MARCHF1: variants seen among roughly 807,000 people sequenced by gnomAD.
The protein encoded by MARCHF1 is membrane associated ring-CH-type finger 1, also known as E3 ubiquitin-protein ligase MARCHF1.
Under a neutral mutation model 54.2 loss-of-function variants are expected in MARCHF1, and 40 were observed. That is an observed-to-expected ratio of 0.74 (90% CI 0.57 to 0.96). The LOEUF is 0.96. Among genes scored for constraint, MARCHF1 ranks in the 40% least tolerant of loss-of-function variants. The probability of loss-of-function intolerance (pLI) is 0.00; values close to 1 mark genes in which losing one functional copy is unlikely to be tolerated. For missense variants in MARCHF1, 586 were observed against 656.5 expected, an observed-to-expected ratio of 0.89 and a Z score of 1.17; for synonymous variants, 236 against 236.3, an observed-to-expected ratio of 1.00 and a Z score of 0.01.
intron 5 of MARCHF1, among the ~76,000 whole-genome samples, chr4:163,672,718 T>C (rs910135340): frequency 5.3e-5 from 8 of 152,166 alleles, no homozygotes; most frequent in African/African-American, 1.9e-4. Context: ...AACAGACATT[T>C]ATCACCTCAA....
chr4:164,264,685 C>T (rs1361323253), intron 1 of MARCHF1, among the ~76,000 whole-genome samples: 5 of 151,834 alleles, frequency 3.3e-5, no homozygotes, highest in Admixed American at 1.3e-4. Flanking sequence ...TTTGGGAGGC[C>T]GATGCTGGTG....
intron 3 of MARCHF1, among the ~76,000 whole-genome samples, chr4:163,906,818 T>A (rs1751078673): frequency 2.3e-5 from 2 of 86,244 alleles, no homozygotes; most frequent in African/African-American, 7.1e-5. Flanking sequence ...GATTTGATCT[T>A]GATATATACA....
chr4:164,249,024 C>G (rs1733044965), intron 1 of MARCHF1, among the ~76,000 whole-genome samples: 1 of 151,876 alleles, frequency 6.6e-6, no homozygotes. Context: ...TTCTGTTTAC[C>G]AAAACTTTTC....
chr4:164,161,416 A>G (rs967135518), intron 1 of MARCHF1, among the ~76,000 whole-genome samples: 3 of 152,126 alleles, frequency 2.0e-5, no homozygotes, highest in Non-Finnish European at 4.4e-5. Context: ...TTTTCTTTAT[A>G]AAGTACCCAG....
At chr4:164,113,370 C>T (rs766707364) in intron 1 of MARCHF1, among the ~76,000 whole-genome samples, 27 of 151,922 alleles carry the variant, frequency 1.8e-4, no homozygotes, top group Non-Finnish European at 3.1e-4. Context: ...TAGTTTGATG[C>T]TTTCTCTCTA....
chr4:163,839,236 T>C lies in MARCHF1; in HGVS notation c.111+14785A>G, dbSNP rs1749271427. ...AATAACAAGTGTTGGAAAAAAAGAATAGAAATGGAAATTCTCATACATTCC... is the reference window on the plus strand; with the variant it reads ...AATAACAAGTGTTGGAAAAAAAGAACAGAAATGGAAATTCTCATACATTCC... On this transcript the variant is annotated intron_variant, in intron 4 of 9. Coordinates refer to ENST00000514618, the MANE Select transcript of MARCHF1 (RefSeq NM_001394959.1). Among the ~76,000 whole-genome samples, 3 of 151,982 alleles carry C rather than the reference T, an allele frequency of 2.0e-5. No individual in the cohort carries two copies. In the South Asian group the frequency reaches 6.2e-4, roughly 32 times the overall value.
intron 3 of MARCHF1, among the ~76,000 whole-genome samples, chr4:163,888,687 G>A (rs114933546): frequency 0.011 from 1,734 of 152,232 alleles, 21 homozygotes; most frequent in African/African-American, 0.04. Flanking sequence ...AACTATTGAT[G>A]TGCAGCCAAA....
At chr4:163,687,458 C>G (rs1354181009) in intron 5 of MARCHF1, among the ~76,000 whole-genome samples, 1 of 152,034 alleles carries the variant, frequency 6.6e-6, no homozygotes, top group Non-Finnish European at 1.5e-5. Context: ...AAGTCATATT[C>G]TTTTAATGTA....
intron 3 of MARCHF1, among the ~76,000 whole-genome samples, chr4:163,892,768 T>A (rs966591313): frequency 1.3e-5 from 2 of 152,012 alleles, no homozygotes; most frequent in African/African-American, 4.8e-5. Flanking sequence ...CTGGTAAGGG[T>A]CTGAAGGTTC....
intron 2 of MARCHF1, among the ~76,000 whole-genome samples, chr4:164,076,136 TAACAAC>T (rs57287504): frequency 0.17 from 25,808 of 150,330 alleles, 2,364 homozygotes; most frequent in African/African-American, 0.24. Context: ...AATAATTTTC[TAACAAC>T]AACAACAACA....
intron 1 of MARCHF1, among the ~76,000 whole-genome samples, chr4:164,253,407 AAAGT>A (rs1402140477): frequency 2.0e-5 from 3 of 152,200 alleles, no homozygotes; most frequent in Admixed American, 6.5e-5. Flanking sequence ...GCTGTAAAAT[AAAGT>A]AAGCTCAATG....
intron 2 of MARCHF1, among the ~76,000 whole-genome samples, chr4:164,043,856 A>G (rs1754183441): frequency 6.6e-6 from 1 of 152,096 alleles, no homozygotes; most frequent in African/African-American, 2.4e-5. Flanking sequence ...CTCCTTAGAA[A>G]TTTCTTCCAC....
In MARCHF1 at chr4:163,940,549, C is replaced by T. The variant is rs182845516; in HGVS notation, c.-39+47952G>A. On this transcript the variant is annotated intron_variant, in intron 3 of 9. Coordinates refer to ENST00000514618, the MANE Select transcript of MARCHF1 (RefSeq NM_001394959.1). ...TCATATGTGTTTCCTCTATGTCCAC[C>T]ATTGGATCTTTGCACAGTATGGGAA... Among the ~76,000 whole-genome samples, 289 of 152,016 alleles carry T rather than the reference C, an allele frequency of 1.9e-3. 3 individuals are homozygous for T. Among genetic ancestry groups the T allele is most frequent in the Admixed American group, 0.016 (240 of 15,256 alleles).
chr4:163,882,160 C>T (rs1750430556), intron 3 of MARCHF1, among the ~76,000 whole-genome samples: 1 of 152,160 alleles, frequency 6.6e-6, no homozygotes, highest in South Asian at 2.1e-4. Context: ...TTTTGGATGT[C>T]TTATTTTGAA....
intron 1 of MARCHF1, among the ~76,000 whole-genome samples, chr4:164,348,499 A>G (rs966750589): frequency 3.3e-5 from 5 of 152,128 alleles, no homozygotes; most frequent in African/African-American, 7.2e-5. Context: ...GCTTATTTGT[A>G]AGTAGATGTT....
At chr4:163,652,846 G>A (rs1327645689) in intron 5 of MARCHF1, among the ~76,000 whole-genome samples, 1 of 151,778 alleles carries the variant, frequency 6.6e-6, no homozygotes, top group Non-Finnish European at 1.5e-5. Flanking sequence ...GTCCAAATGT[G>A]TTAATTCAGC....
At chr4:163,998,191 CTT>C (rs1042453741) in intron 2 of MARCHF1, among the ~76,000 whole-genome samples, 1 of 151,190 alleles carries the variant, frequency 6.6e-6, no homozygotes, top group African/African-American at 2.4e-5. Flanking sequence ...AATCAGAAGA[CTT>C]ATTAGATATT....
intron 3 of MARCHF1, among the ~76,000 whole-genome samples, chr4:163,861,054 A>T (rs1228229869): frequency 5.9e-5 from 9 of 152,236 alleles, no homozygotes; most frequent in Admixed American, 3.3e-4. Context: ...ATTAAGGACT[A>T]TACTGGAAAA....
intron 3 of MARCHF1, among the ~76,000 whole-genome samples, chr4:163,950,655 G>A (rs1475172505): frequency 1.3e-5 from 2 of 152,168 alleles, no homozygotes; most frequent in East Asian, 1.9e-4. Flanking sequence ...CCACACCTCC[G>A]CGACTGCAGC....
Sources: gnomAD v4.1 joint callset for allele counts (sites outside exome capture counted in the v4.1 genomes callset) on GRCh38, gnomAD v4.1.1 for gene constraint, MANE v1.5 for transcripts, NCBI Gene and HGNC (gene_info 2026-07-23, HGNC 2026-07-21) for gene names.